The following PDK1 variants were observed in gnomAD, a reference collection of about 807,000 sequenced individuals.
PDK1 encodes pyruvate dehydrogenase kinase 1, also known as [Pyruvate dehydrogenase (acetyl-transferring)] kinase isozyme 1, mitochondrial.
Under a neutral mutation model 54.2 loss-of-function variants are expected in PDK1, and 39 were observed. The observed-to-expected ratio is 0.72, with a 90% confidence interval of 0.56 to 0.94. The LOEUF (loss-of-function observed/expected upper bound fraction) is 0.94. Among genes scored for constraint, PDK1 ranks in the 40% least tolerant of loss-of-function variants. The pLI, the probability that PDK1 is intolerant of heterozygous loss-of-function variation, is 0.00. For missense variants in PDK1, 552 were observed against 566.0 expected, an observed-to-expected ratio of 0.98 and a Z score of 0.25; for synonymous variants, 221 against 207.1, an observed-to-expected ratio of 1.07 and a Z score of -0.58.
the PDK1 span, among the ~76,000 whole-genome samples, chr2:172,631,862 A>G: frequency 1.3e-5 from 2 of 152,292 alleles, no homozygotes; most frequent in South Asian, 2.1e-4. Context: ...GTTTTCTGAT[A>G]TTTGTATACG....
chr2:172,572,398 A>G (rs944866857), intron 8 of PDK1, among the ~76,000 whole-genome samples: 2 of 152,172 alleles, frequency 1.3e-5, no homozygotes, highest in African/African-American at 4.8e-5. Flanking sequence ...CCGCTGTCTC[A>G]TTTTAGAACA....
the PDK1 span, among the ~76,000 whole-genome samples, chr2:172,709,048 T>C: frequency 0.056 from 8,563 of 152,182 alleles, 1,020 homozygotes; most frequent in East Asian, 0.54. Flanking sequence ...CTCTCTCTCT[T>C]TTTTTTGTAG....
the PDK1 span, among the ~76,000 whole-genome samples, chr2:172,649,440 C>T: frequency 6.6e-6 from 1 of 152,282 alleles, no homozygotes. Context: ...TCCAAAAGAA[C>T]ATAGCTTCTC....
chr2:172,629,395 GGAA>G, the PDK1 span, among the ~76,000 whole-genome samples: 1 of 152,166 alleles, frequency 6.6e-6, no homozygotes. Context: ...GGCAGAAAAA[GGAA>G]GAAGAGAAGA....
chr2:172,695,334 C>T, the PDK1 span, among the ~76,000 whole-genome samples: 1 of 152,162 alleles, frequency 6.6e-6, no homozygotes, highest in African/African-American at 2.4e-5. Context: ...GAAGACTTAA[C>T]TCATATGTTG....
At chr2:172,671,074 C>T in the PDK1 span, among the ~76,000 whole-genome samples, 14 of 150,212 alleles carry the variant, frequency 9.3e-5, no homozygotes, top group Admixed American at 5.3e-4. Context: ...ATCTAATTCC[C>T]TGCCGTGTTT....
the PDK1 span, among the ~76,000 whole-genome samples, chr2:172,717,144 A>G: frequency 6.6e-6 from 1 of 152,220 alleles, no homozygotes; most frequent in Admixed American, 6.5e-5. Context: ...CTCACATCCA[A>G]GACTACATTA....
At chr2:172,724,292 G>A in the PDK1 span, 10 of 122,188 alleles carry the variant, frequency 8.2e-5, no homozygotes, top group African/African-American at 3.3e-4. Flanking sequence ...CTTAATAAAA[G>A]TGAGTCATTT....
At chr2:172,618,662 G>A in the PDK1 span, among the ~76,000 whole-genome samples, 1 of 152,228 alleles carries the variant, frequency 6.6e-6, no homozygotes, top group Non-Finnish European at 1.5e-5. Flanking sequence ...AGATATCTTT[G>A]ATGAATTCCC....
the PDK1 span, among the ~76,000 whole-genome samples, chr2:172,647,925 G>T: frequency 6.6e-6 from 1 of 152,244 alleles, no homozygotes; most frequent in Non-Finnish European, 1.5e-5. Context: ...CATAAGGAAG[G>T]TCACACCACT....
At chr2:172,688,990 C>T in the PDK1 span, among the ~76,000 whole-genome samples, 1 of 152,174 alleles carries the variant, frequency 6.6e-6, no homozygotes, top group Non-Finnish European at 1.5e-5. Context: ...GAGTGAGCAG[C>T]AGCAAGATTT....
chr2:172,563,943 A>G (rs2149206607), intron 3 of PDK1: 1 of 459,526 alleles, frequency 2.2e-6, no homozygotes, highest in Middle Eastern at 3.4e-4. Flanking sequence ...GTCTTTTAAT[A>G]TAATTGTTTA....
chr2:172,661,293 C>T, the PDK1 span, among the ~76,000 whole-genome samples: 1 of 152,044 alleles, frequency 6.6e-6, no homozygotes, highest in African/African-American at 2.4e-5. Context: ...ATTATTTAAG[C>T]TTAAATTATA....
chr2:172,563,504 G>A (rs1252797072), intron 3 of PDK1, among the ~76,000 whole-genome samples: 1 of 152,168 alleles, frequency 6.6e-6, no homozygotes, highest in Non-Finnish European at 1.5e-5. Context: ...AATTCAGATG[G>A]GTTATGTTAG....
At chr2:172,666,863 T>A in the PDK1 span, among the ~76,000 whole-genome samples, 155 of 152,312 alleles carry the variant, frequency 1.0e-3, no homozygotes, top group African/African-American at 3.6e-3. Flanking sequence ...TTGGAGAGGA[T>A]CTCAGAACTC....
At chr2:172,583,364 T>C (rs1690029053) in intron 8 of PDK1, among the ~76,000 whole-genome samples, 1 of 140,054 alleles carries the variant, frequency 7.1e-6, no homozygotes, top group Admixed American at 7.6e-5. Flanking sequence ...TGGTACAACC[T>C]TGGCTCACTG....
intron 8 of PDK1, among the ~76,000 whole-genome samples, chr2:172,578,919 C>G (rs971147019): frequency 6.6e-6 from 1 of 152,128 alleles, no homozygotes; most frequent in African/African-American, 2.4e-5. Flanking sequence ...TAGAAGTGTT[C>G]AGGAGAATAT....
chr2:172,589,822 G>A (rs1162322364), intron 9 of PDK1, among the ~76,000 whole-genome samples: 1 of 152,198 alleles, frequency 6.6e-6, no homozygotes, highest in African/African-American at 2.4e-5. Context: ...TTATCCAGAT[G>A]TTTTGTTTTG....
chr2:172,631,539 CCA>C, the PDK1 span, among the ~76,000 whole-genome samples: 1 of 151,280 alleles, frequency 6.6e-6, no homozygotes, highest in African/African-American at 2.4e-5. Flanking sequence ...CAGAGGTTAG[CCA>C]TGTGGTAAGG....
Sources: allele counts gnomAD v4.1 joint callset (sites outside exome capture counted in the v4.1 genomes callset), GRCh38; gene constraint gnomAD v4.1.1; transcripts MANE v1.5; gene names NCBI Gene and HGNC (gene_info 2026-07-23, HGNC 2026-07-21).